RELN: variants seen among roughly 807,000 people sequenced by gnomAD.
RELN encodes the protein reelin.
Under a neutral mutation model 427.6 loss-of-function variants are expected in RELN, and 108 were observed. That is an observed-to-expected ratio of 0.25 (90% CI 0.22 to 0.30). The LOEUF (loss-of-function observed/expected upper bound fraction) is 0.30, where lower values mean the gene tolerates loss of function less well. RELN is among the 10% of genes least tolerant of loss of function. The pLI is 1.00. For missense variants in RELN, 3,715 were observed against 4,302.8 expected (o/e 0.86, Z 3.82); for synonymous variants, 1,524 against 1,513.4 (o/e 1.01, Z -0.16).
chr7:103,833,623 T>C lies in RELN; in HGVS notation c.387A>G (p.Val129=). Residue 129 remains valine (V), a synonymous_variant, in exon 3 of 65, where the codon GTA becomes GTG. Transcript: ENST00000428762. ...TGGGCAGGTGACTCACGTGAGAGGC[T>C]ACCACACTGCACATAAACTGGTTAC... ...QFGNQFMCSV[V]ASHVSHLPTT... 1 of 1,613,530 alleles carries C rather than the reference T, an allele frequency of 6.2e-7. No homozygotes were observed. Among genetic ancestry groups the C allele is most frequent in the Non-Finnish European group, 8.5e-7 (1 of 1,179,472 alleles).
chr7:103,929,469 G>C (rs1795814240), intron 1 of RELN, among the ~76,000 whole-genome samples: 1 of 152,116 alleles, frequency 6.6e-6, no homozygotes, highest in Non-Finnish European at 1.5e-5. Flanking sequence ...ATTTCTCCTA[G>C]GAGACGTACA....
At chr7:103,609,387 TTGTTTGAAGTGC>T (rs1437556886) in intron 22 of RELN, among the ~76,000 whole-genome samples, 1 of 152,162 alleles carries the variant, frequency 6.6e-6, no homozygotes, top group African/African-American at 2.4e-5. Context: ...AGTATTTCCA[TTGTTTGAAGTGC>T]TGTTTTGCAT....
rs1794424333 is a variant in RELN at position 103,874,320 on chromosome 7, C to T, written c.338-40648G>A. On this transcript the variant is annotated intron_variant, in intron 2 of 64. Transcript: ENST00000428762. Reference sequence around the variant, plus strand: ...ACAAGACAGGGATGTCCTCTCTCACCACTCCTATTCAACATAGTGTTGGAA... The same window carrying T: ...ACAAGACAGGGATGTCCTCTCTCACTACTCCTATTCAACATAGTGTTGGAA... Among the ~76,000 whole-genome samples, 3 of 135,368 alleles carry T rather than the reference C, an allele frequency of 2.2e-5. No individual in the cohort carries two copies. In the Admixed American group the frequency reaches 2.2e-4, roughly 10 times the overall value. 88.8% of individuals were successfully genotyped at this position (135,368 alleles called of 152,430 possible).
chr7:103,622,326 T>C (rs1460463653), intron 20 of RELN, among the ~76,000 whole-genome samples: 2 of 152,214 alleles, frequency 1.3e-5, no homozygotes, highest in African/African-American at 4.8e-5. Flanking sequence ...TCCTCTAATA[T>C]ATATCTTCAA....
intron 1 of RELN, among the ~76,000 whole-genome samples, chr7:103,984,361 T>C (rs12674214): frequency 0.075 from 11,431 of 152,090 alleles, 1,070 homozygotes; most frequent in East Asian, 0.44. Flanking sequence ...TACCATTTTA[T>C]TAACATTTTC....
rs528161142 is a variant in RELN, at chr7:103,828,785, A to T, written c.473+4752T>A. ...TCATTATTTGAATGAATTCAATAAT[A>T]TTTCTATATTCATATAGAGATAGAT... On this transcript the variant is annotated intron_variant, in intron 3 of 64. Coordinates refer to ENST00000428762, the MANE Select transcript of RELN (RefSeq NM_005045.4). Among the ~76,000 whole-genome samples the T allele has an allele frequency of 1.7e-3, 256 of 152,116 alleles. 1 individual carries two copies. The highest frequency in any genetic ancestry group is 6.0e-3 in the African/African-American group (248 of 41,560).
rs1171532722 is a variant in RELN, at chr7:103,848,411, G to C, written c.338-14739C>G. On this transcript the variant is annotated intron_variant, in intron 2 of 64. Transcript: ENST00000428762. ...ACATATAGCTTTTCTGGGAGGCCTG[G>C]AGAAGTAAACTTGGGTGTTGCCCAG... Among the ~76,000 whole-genome samples the C allele has an allele frequency of 2.6e-5, 4 of 152,306 alleles. No homozygotes were observed. In the South Asian group the frequency reaches 8.3e-4, roughly 32 times the overall value.
At chr7:103,667,873 G>C (rs1833305212) in intron 11 of RELN, among the ~76,000 whole-genome samples, 1 of 152,198 alleles carries the variant, frequency 6.6e-6, no homozygotes, top group Non-Finnish European at 1.5e-5. Flanking sequence ...CAAACAAATA[G>C]CATATATCTA....
At chr7:103,747,731 A>G (rs1177059353) in intron 6 of RELN, among the ~76,000 whole-genome samples, 1 of 151,482 alleles carries the variant, frequency 6.6e-6, no homozygotes, top group Non-Finnish European at 1.5e-5. Context: ...ACTCCAAAGC[A>G]TATTTGATAA....
rs57782980 is a variant in RELN, at chr7:103,962,646, T to TTGTGTGTGTGTGTGTGTG, written c.226+26467_226+26484dup. Among the ~76,000 whole-genome samples, 884 of 149,890 alleles carry TTGTGTGTGTGTGTGTGTG rather than the reference T, an allele frequency of 5.9e-3. 16 individuals are homozygous for TTGTGTGTGTGTGTGTGTG. Among genetic ancestry groups the TTGTGTGTGTGTGTGTGTG allele is most frequent in the African/African-American group, 0.02 (834 of 40,798 alleles). On this transcript the variant is annotated intron_variant, in intron 1 of 64. Transcript: ENST00000428762. ...TGTTGGATTTTCCATTCCAAAGTTG[T>TTGTGTGTGTGTGTGTGTG]TGTGTGTGTGTGTGTGTGTGTGTGT...
intron 16 of RELN, among the ~76,000 whole-genome samples, chr7:103,649,395 T>C (rs554112078): frequency 2.0e-5 from 3 of 151,946 alleles, no homozygotes; most frequent in East Asian, 3.9e-4. Flanking sequence ...CACATGGACA[T>C]AGACAGTAGA....
chr7:103,799,973 T>C (rs1274773344), intron 3 of RELN, among the ~76,000 whole-genome samples: 1 of 152,166 alleles, frequency 6.6e-6, no homozygotes, highest in East Asian at 1.9e-4. Flanking sequence ...TCCAAGGTAC[T>C]GACGGAACAT....
At chr7:103,564,558 G>C (rs990774206) in intron 34 of RELN, among the ~76,000 whole-genome samples, 5 of 152,186 alleles carry the variant, frequency 3.3e-5, no homozygotes, top group Admixed American at 1.3e-4. Flanking sequence ...GGCAGAAAGA[G>C]GGGGGAGGAA....
chr7:103,623,509 C>T (rs758813400), intron 20 of RELN, among the ~76,000 whole-genome samples: 1 of 152,114 alleles, frequency 6.6e-6, no homozygotes, highest in Non-Finnish European at 1.5e-5. Context: ...CCAAGGAATA[C>T]AGCTATCTAA....
At chr7:103,920,169 A>G (rs802788) in intron 1 of RELN, among the ~76,000 whole-genome samples, 60,894 of 152,000 alleles carry the variant, frequency 0.4, 12,347 homozygotes, top group South Asian at 0.52. Flanking sequence ...CAAGCTGCAT[A>G]GTTTAAAACG....
At chr7:103,727,965 C>G in intron 7 of RELN, 146 bp downstream of exon 7, 1 of 752,434 alleles carries the variant, frequency 1.3e-6, no homozygotes, top group East Asian at 2.7e-5. Flanking sequence ...AGAATCACCC[C>G]TCCCAATTTT....
intron 51 of RELN, among the ~76,000 whole-genome samples, chr7:103,505,186 G>A (rs1450550103): frequency 1.3e-5 from 2 of 152,226 alleles, no homozygotes; most frequent in African/African-American, 2.4e-5. Context: ...GAAGAGAGCA[G>A]CGGTTCTCTC....
chr7:103,864,581 C>A (rs182947539), intron 2 of RELN, among the ~76,000 whole-genome samples: 3 of 152,190 alleles, frequency 2.0e-5, no homozygotes, highest in East Asian at 3.9e-4. Context: ...TCACTTTGCA[C>A]GAAGTCCTCC....
intron 1 of RELN, among the ~76,000 whole-genome samples, chr7:103,965,049 T>C (rs1478567090): frequency 6.6e-6 from 1 of 152,212 alleles, no homozygotes; most frequent in Non-Finnish European, 1.5e-5. Context: ...CAAAGCACTA[T>C]AAAAAGGTAA....
Sources: allele counts gnomAD v4.1 joint callset (sites outside exome capture counted in the v4.1 genomes callset), GRCh38; gene constraint gnomAD v4.1.1; transcripts MANE v1.5; gene names NCBI Gene and HGNC (gene_info 2026-07-23, HGNC 2026-07-21).